DTNBP1: variants seen among roughly 807,000 people sequenced by gnomAD.
DTNBP1 encodes the protein dystrobrevin binding protein 1, also known as dysbindin.
Under a neutral mutation model 42.8 loss-of-function variants are expected in DTNBP1, and 35 were observed. That is an observed-to-expected ratio of 0.82 (90% confidence interval 0.63 to 1.09). The LOEUF is 1.09. DTNBP1 is among the 50% of genes least tolerant of loss of function. The pLI is 0.00. For synonymous variants in DTNBP1, 171 were observed against 162.2 expected (o/e 1.05, Z -0.41); for missense variants, 457 against 424.2 (o/e 1.08, Z -0.68).
chr6:15,597,039 G>A (rs935867221), intron 6 of DTNBP1, among the ~76,000 whole-genome samples: 1 of 151,890 alleles, frequency 6.6e-6, no homozygotes, highest in East Asian at 1.9e-4. Flanking sequence ...ATATAATCTT[G>A]GTTGAGTTCA....
intron 6 of DTNBP1, among the ~76,000 whole-genome samples, chr6:15,597,175 C>T (rs1420627600): frequency 6.6e-6 from 1 of 152,002 alleles, no homozygotes; most frequent in Non-Finnish European, 1.5e-5. Context: ...GTGGGAGAGA[C>T]AGAGAAATAA....
chr6:15,569,111 ACC>A (rs1280525624), intron 7 of DTNBP1, among the ~76,000 whole-genome samples: 1 of 152,152 alleles, frequency 6.6e-6, no homozygotes, highest in Non-Finnish European at 1.5e-5. Flanking sequence ...CTGCACTTTG[ACC>A]CACTTCCTTG....
intron 5 of DTNBP1, among the ~76,000 whole-genome samples, chr6:15,620,378 A>T (rs1401170733): frequency 6.6e-6 from 1 of 152,110 alleles, no homozygotes; most frequent in African/African-American, 2.4e-5. Flanking sequence ...TTTTGTAGAG[A>T]CGAGACCTCA....
At chr6:15,594,566 G>A (rs541004767) in intron 6 of DTNBP1, among the ~76,000 whole-genome samples, 33 of 151,922 alleles carry the variant, frequency 2.2e-4, no homozygotes, top group Admixed American at 1.8e-3. Flanking sequence ...GCTTAGCTAG[G>A]TACAAGCTAA....
chr6:15,594,911 T>C (rs961310799), intron 6 of DTNBP1, among the ~76,000 whole-genome samples: 1 of 152,190 alleles, frequency 6.6e-6, no homozygotes, highest in African/African-American at 2.4e-5. Flanking sequence ...GTTATTCTCC[T>C]ACCCCCAAAT....
intron 7 of DTNBP1, among the ~76,000 whole-genome samples, chr6:15,547,635 T>C (rs906158026): frequency 1.3e-5 from 2 of 152,202 alleles, no homozygotes; most frequent in Non-Finnish European, 2.9e-5. Context: ...CAGACAAGAA[T>C]TGCCTGTTGT....
At chr6:15,586,183 T>C (rs982384729) in intron 7 of DTNBP1, among the ~76,000 whole-genome samples, 2 of 152,282 alleles carry the variant, frequency 1.3e-5, no homozygotes, top group African/African-American at 4.8e-5. Context: ...AACATAAAAA[T>C]TAAAAATATA....
At chr6:15,659,622 G>A (rs1216035511) in intron 1 of DTNBP1, among the ~76,000 whole-genome samples, 1 of 148,002 alleles carries the variant, frequency 6.8e-6, no homozygotes, top group Non-Finnish European at 1.5e-5. Context: ...GTGTGATCTC[G>A]GCTCACTGCA....
At chr6:15,606,758 C>T (rs963283588) in intron 6 of DTNBP1, among the ~76,000 whole-genome samples, 1 of 152,148 alleles carries the variant, frequency 6.6e-6, no homozygotes, top group East Asian at 1.9e-4. Flanking sequence ...TTTTCTATCA[C>T]ATATTATCGT....
intron 5 of DTNBP1, among the ~76,000 whole-genome samples, chr6:15,620,596 G>A (rs1192563818): frequency 1.7e-4 from 26 of 152,184 alleles, no homozygotes; most frequent in Admixed American, 1.7e-3. Flanking sequence ...GTTATAACTA[G>A]TCTGACATGG....
intron 1 of DTNBP1, among the ~76,000 whole-genome samples, chr6:15,659,158 C>T (rs1581446518): frequency 6.6e-6 from 1 of 152,212 alleles, no homozygotes; most frequent in African/African-American, 2.4e-5. Context: ...ATGGTTTCAT[C>T]ACCAAAGTGA....
chr6:15,607,644 C>T (rs1758153570), intron 6 of DTNBP1, among the ~76,000 whole-genome samples: 2 of 152,186 alleles, frequency 1.3e-5, no homozygotes, highest in South Asian at 4.1e-4. Flanking sequence ...CTTTAGCACG[C>T]TGATGCACAC....
chr6:15,542,376 G>GT (rs1181269638), intron 7 of DTNBP1, among the ~76,000 whole-genome samples: 2 of 151,920 alleles, frequency 1.3e-5, no homozygotes. Context: ...TTTGTTTTTT[G>GT]TTTTTTGTTT....
At chr6:15,593,125 A>G (rs905909420) in intron 6 of DTNBP1, 44 bp from the exon 7 acceptor site, 2 of 1,518,716 alleles carry the variant, frequency 1.3e-6, no homozygotes, top group Non-Finnish European at 1.8e-6. Flanking sequence ...CAAATTAAAA[A>G]TCTCCCCAAT....
At chr6:15,589,856 C>G (rs11962072) in intron 7 of DTNBP1, among the ~76,000 whole-genome samples, 4,174 of 152,230 alleles carry the variant, frequency 0.027, 188 homozygotes, top group African/African-American at 0.088. Context: ...GATCCCATCT[C>G]ATTACATTTT....
chr6:15,562,364 C>T (rs149743632), intron 7 of DTNBP1, among the ~76,000 whole-genome samples: 7 of 152,150 alleles, frequency 4.6e-5, no homozygotes, highest in African/African-American at 1.2e-4. Context: ...AATTGAGAAA[C>T]CTTTGACTTT....
intron 7 of DTNBP1, among the ~76,000 whole-genome samples, chr6:15,540,603 C>A (rs1304392508): frequency 6.6e-6 from 1 of 152,138 alleles, no homozygotes; most frequent in East Asian, 1.9e-4. Flanking sequence ...CATGTCTCGA[C>A]CTTCACAAGG....
chr6:15,660,612 G>C lies in DTNBP1; in HGVS notation c.56+2202C>G, dbSNP rs907325070. 2.5e-6 allele frequency: 3 copies of C among 1,220,138 alleles called. No homozygotes were observed. In the South Asian group the frequency reaches 3.8e-5, roughly 15 times the overall value. The allele number at this position is 1,220,138 out of a possible 1,614,324, so 75.6% of individuals were successfully genotyped here. A position where few individuals can be genotyped will look rare whatever the true frequency, so the allele number is the denominator to read the frequency against. ...CCCCAGACTACGGCATCTTTAAGAA[G>C]TCAAGTCAGTTTCCAAGGGGTTCTA... On this transcript the variant is annotated intron_variant, in intron 1 of 9. Coordinates refer to ENST00000344537, the MANE Select transcript of DTNBP1 (RefSeq NM_032122.5).
chr6:15,608,460 G>C (rs1758200727), intron 6 of DTNBP1, among the ~76,000 whole-genome samples: 1 of 152,162 alleles, frequency 6.6e-6, no homozygotes, highest in South Asian at 2.1e-4. Flanking sequence ...GAATTCTCCA[G>C]AAGGCCTTCC....
Sources: gnomAD v4.1 joint callset for allele counts (sites outside exome capture counted in the v4.1 genomes callset) on GRCh38, gnomAD v4.1.1 for gene constraint, MANE v1.5 for transcripts, NCBI Gene and HGNC (gene_info 2026-07-23, HGNC 2026-07-21) for gene names.